The following SNTG1 variants were observed in gnomAD, a reference collection of about 807,000 sequenced individuals.
SNTG1 encodes the protein syntrophin gamma 1.
A neutral mutation model predicts 74.7 loss-of-function variants in SNTG1; 39 were observed. The ratio of observed to expected loss-of-function variants is 0.52; its 90% CI spans 0.40 to 0.68. The LOEUF is 0.68. Among genes scored for constraint, SNTG1 ranks in the 30% least tolerant of loss-of-function variants. The pLI, the probability that SNTG1 is intolerant of heterozygous loss-of-function variation, is 0.00. For synonymous variants in SNTG1, 254 were observed against 217.1 expected (o/e 1.17, Z -1.49); for missense variants, 685 against 609.5 (o/e 1.12, Z -1.30).
chr8:50,761,600 G>A (rs961640619), intron 18 of SNTG1, among the ~76,000 whole-genome samples: 9 of 119,344 alleles, frequency 7.5e-5, no homozygotes, highest in African/African-American at 2.6e-4. Flanking sequence ...TAGTGCCTGA[G>A]CTATTTTTTT....
intron 1 of SNTG1, among the ~76,000 whole-genome samples, chr8:50,034,663 G>A (rs1818000789): frequency 6.6e-6 from 1 of 152,200 alleles, no homozygotes; most frequent in South Asian, 2.1e-4. Flanking sequence ...ACTGGAGAAA[G>A]AATTGTCTTG....
chr8:50,514,353 T>G (rs1033033668), intron 9 of SNTG1, among the ~76,000 whole-genome samples: 1 of 152,176 alleles, frequency 6.6e-6, no homozygotes, highest in Non-Finnish European at 1.5e-5. Flanking sequence ...AAAATACATA[T>G]GTTTACTGAT....
chr8:50,711,753 A>G (rs530369395), intron 17 of SNTG1, among the ~76,000 whole-genome samples: 1 of 151,582 alleles, frequency 6.6e-6, no homozygotes, highest in South Asian at 2.1e-4. Flanking sequence ...CTATACTTAC[A>G]TTTACATTAG....
intron 12 of SNTG1, among the ~76,000 whole-genome samples, chr8:50,572,531 G>A (rs1021553949): frequency 1.3e-5 from 2 of 152,040 alleles, no homozygotes; most frequent in African/African-American, 2.4e-5. Flanking sequence ...TCATCCTAAG[G>A]CATTGATTTA....
rs2095694824 is a variant in SNTG1, at chr8:50,792,768, A to G, written c.1493A>G (p.Gln498Arg). 1.2e-6 allele frequency: 2 copies of G among 1,612,608 alleles called. No individual in the cohort carries two copies. The highest frequency in any genetic ancestry group is 1.7e-6 in the Non-Finnish European group (2 of 1,179,002). ...TTGGACCCTCTATTTTTAGGCAATCAAGCTACTGCTTCTACTGCTGCCAGC... is the reference window on the plus strand; with the variant it reads ...TTGGACCCTCTATTTTTAGGCAATCGAGCTACTGCTTCTACTGCTGCCAGC... ...ACLDPLFLGNQATASTAASSA... is the reference protein window; with the variant it reads ...ACLDPLFLGNRATASTAASSA... Residue 498 changes from glutamine to arginine, a missense_variant, in exon 19 of 19, where the codon CAA (glutamine) becomes CGA (arginine). By Grantham distance (43) the Gln-to-Arg change is conservative. Transcript: ENST00000642720.
intron 17 of SNTG1, among the ~76,000 whole-genome samples, chr8:50,738,749 A>G (rs2095535316): frequency 6.6e-6 from 1 of 151,760 alleles, no homozygotes; most frequent in African/African-American, 2.4e-5. Flanking sequence ...CTCAGAAATA[A>G]CACCACACAT....
intron 1 of SNTG1, among the ~76,000 whole-genome samples, chr8:50,066,569 T>C (rs1405675706): frequency 3.9e-5 from 6 of 152,324 alleles, no homozygotes; most frequent in South Asian, 2.1e-4. Context: ...TGTGCGTTTG[T>C]ATATCTATGC....
At chr8:50,017,321 A>G (rs1040037344) in intron 1 of SNTG1, among the ~76,000 whole-genome samples, 1 of 152,062 alleles carries the variant, frequency 6.6e-6, no homozygotes, top group African/African-American at 2.4e-5. Context: ...AAAATAATCT[A>G]TTTAACAATC....
intron 2 of SNTG1, among the ~76,000 whole-genome samples, chr8:50,233,669 C>T (rs1244495523): frequency 6.6e-6 from 1 of 150,924 alleles, no homozygotes; most frequent in Non-Finnish European, 1.5e-5. Context: ...ATAAAGAGCC[C>T]ATATCTAGAA....
intron 2 of SNTG1, among the ~76,000 whole-genome samples, chr8:50,370,065 T>C (rs1425056004): frequency 6.6e-6 from 1 of 152,186 alleles, no homozygotes; most frequent in Non-Finnish European, 1.5e-5. Context: ...CTGAGTACTA[T>C]GTATATACAT....
At chr8:50,566,709 CTGTTT>C (rs369656490) in intron 12 of SNTG1, among the ~76,000 whole-genome samples, 1 of 151,806 alleles carries the variant, frequency 6.6e-6, no homozygotes, top group Non-Finnish European at 1.5e-5. Context: ...GCAAAGTCTA[CTGTTT>C]TGTTTTGTTT....
chr8:50,715,357 G>A (rs2095472480), intron 17 of SNTG1, among the ~76,000 whole-genome samples: 2 of 152,166 alleles, frequency 1.3e-5, no homozygotes, highest in African/African-American at 2.4e-5. Flanking sequence ...AATTGTTATA[G>A]TCTGATTGCT....
intron 4 of SNTG1, among the ~76,000 whole-genome samples, chr8:50,417,585 C>G (rs1169636906): frequency 6.6e-6 from 1 of 152,102 alleles, no homozygotes; most frequent in Non-Finnish European, 1.5e-5. Context: ...GCTTTTCTCA[C>G]CTTTCATGAA....
chr8:50,506,206 T>A (rs1465919202), intron 9 of SNTG1, among the ~76,000 whole-genome samples: 3 of 152,134 alleles, frequency 2.0e-5, no homozygotes, highest in Non-Finnish European at 4.4e-5. Flanking sequence ...TTGTTCTATG[T>A]GTCTGCATTA....
At chr8:50,434,895 T>C (rs1039369984) in intron 4 of SNTG1, among the ~76,000 whole-genome samples, 1 of 152,112 alleles carries the variant, frequency 6.6e-6, no homozygotes, top group South Asian at 2.1e-4. Flanking sequence ...AATTTTCCAA[T>C]GATAATCTCT....
At chr8:50,275,800 A>C in intron 2 of SNTG1, among the ~76,000 whole-genome samples, 1 of 152,132 alleles carries the variant, frequency 6.6e-6, no homozygotes, top group East Asian at 1.9e-4. Flanking sequence ...TCTTGACTGT[A>C]AGATTCCCTG....
intron 2 of SNTG1, among the ~76,000 whole-genome samples, chr8:50,219,764 T>A (rs1325140457): frequency 6.6e-6 from 1 of 152,166 alleles, no homozygotes; most frequent in East Asian, 1.9e-4. Context: ...GGGGTTGCAA[T>A]TTGGCATGAG....
intron 1 of SNTG1, among the ~76,000 whole-genome samples, chr8:50,092,030 C>T (rs776750312): frequency 3.9e-5 from 6 of 152,106 alleles, no homozygotes; most frequent in African/African-American, 4.8e-5. Context: ...TCTTTTCCCA[C>T]TTCGTATTCT....
chr8:49,964,364 A>G (rs1413604494), intron 1 of SNTG1, among the ~76,000 whole-genome samples: 2 of 152,104 alleles, frequency 1.3e-5, no homozygotes. Context: ...CAGATTTTAG[A>G]CTTGTCATTC....
Sources: allele counts gnomAD v4.1 joint callset (sites outside exome capture counted in the v4.1 genomes callset), GRCh38; gene constraint gnomAD v4.1.1; transcripts MANE v1.5; gene names NCBI Gene and HGNC (gene_info 2026-07-23, HGNC 2026-07-21).